Variants in AGK observed in about 807,000 individuals in gnomAD.
The protein encoded by AGK is acylglycerol kinase.
In AGK, 52 loss-of-function variants were observed where a neutral mutation model predicts 66.4. The ratio of observed to expected loss-of-function variants is 0.78; its 90% CI spans 0.63 to 0.99. AGK has a LOEUF of 0.99. Ranked by LOEUF, AGK falls within the 50% of genes least tolerant of loss-of-function variation. AGK has a pLI of 0.00. For missense variants in AGK, 451 were observed against 506.6 expected, an observed-to-expected ratio of 0.89 and a Z score of 1.05; for synonymous variants, 182 against 181.1, an observed-to-expected ratio of 1.00 and a Z score of -0.04.
intron 2 of AGK, among the ~76,000 whole-genome samples, chr7:141,568,842 C>T (rs190379520): frequency 1.5e-3 from 234 of 152,250 alleles, no homozygotes; most frequent in African/African-American, 5.4e-3. Context: ...TCCCAGAGTG[C>T]TGGGATTACA....
At chr7:141,609,050 AT>A (rs1796521640) in intron 5 of AGK, among the ~76,000 whole-genome samples, 1 of 152,208 alleles carries the variant, frequency 6.6e-6, no homozygotes, top group Admixed American at 6.5e-5. Context: ...CCATAATTTT[AT>A]TTTTAGAATA....
intron 9 of AGK, among the ~76,000 whole-genome samples, chr7:141,626,563 G>A (rs995039590): frequency 6.6e-6 from 1 of 152,142 alleles, no homozygotes; most frequent in East Asian, 1.9e-4. Flanking sequence ...TCTGCCTCCC[G>A]AAGTGATATA....
At position 141,649,160 on chromosome 7, in the gene AGK, C is replaced by G. The variant is rs535704364; in HGVS notation, c.976-103C>G. 1.6e-5 allele frequency: 10 copies of G among 622,184 alleles called. No individual in the cohort carries two copies. In the East Asian group the frequency reaches 2.8e-4, roughly 18 times the overall value. The allele number at this position is 622,184 out of a possible 1,614,324, so 38.5% of individuals were successfully genotyped here. ...AATCACTACAAGTAGAGTCCCCTAT[C>G]TATATATAGCTTCAAACTATGAACC... On this transcript the variant is annotated intron_variant, in intron 13 of 15. Coordinates refer to ENST00000649286, the MANE Select transcript of AGK (RefSeq NM_018238.4).
intron 2 of AGK, among the ~76,000 whole-genome samples, chr7:141,562,660 C>T (rs922841177): frequency 3.3e-5 from 5 of 152,308 alleles, no homozygotes; most frequent in Admixed American, 6.5e-5. Flanking sequence ...AGGCCTCATC[C>T]AGCTCCCACG....
intron 8 of AGK, among the ~76,000 whole-genome samples, chr7:141,616,720 GA>G (rs2116965707): frequency 6.6e-6 from 1 of 151,710 alleles, no homozygotes; most frequent in East Asian, 1.9e-4. Flanking sequence ...AACTACAGGA[GA>G]GGCCATTTCA....
At chr7:141,556,095 T>C (rs147147838) in intron 2 of AGK, among the ~76,000 whole-genome samples, 1,923 of 152,152 alleles carry the variant, frequency 0.013, 50 homozygotes, top group African/African-American at 0.042. Context: ...TGGGACAACT[T>C]GAAACAAAGG....
intron 9 of AGK, among the ~76,000 whole-genome samples, chr7:141,623,397 A>C (rs371119410): frequency 2.7e-5 from 4 of 150,666 alleles, no homozygotes; most frequent in African/African-American, 9.9e-5. Flanking sequence ...AAAAAAGAAA[A>C]AAAAAAGAAA....
intron 9 of AGK, among the ~76,000 whole-genome samples, chr7:141,630,093 TCTATC>T (rs547792372): frequency 4.1e-3 from 619 of 152,308 alleles, no homozygotes; most frequent in Admixed American, 7.6e-3. Context: ...CATGGAATCT[TCTATC>T]ATCATCATCA....
rs184639330 is a variant in AGK, at chr7:141,564,123, G to T, written c.101+8556G>T. Among the ~76,000 whole-genome samples, 154 of 152,268 alleles carry T rather than the reference G, an allele frequency of 1.0e-3. 3 individuals carry two copies. Among genetic ancestry groups the T allele is most frequent in the Admixed American group, 0.01 (154 of 15,298 alleles). On this transcript the variant is annotated intron_variant, in intron 2 of 15. Coordinates refer to ENST00000649286, the MANE Select transcript of AGK (RefSeq NM_018238.4). ...CTATATGTGCATGACAGCACACCCT[G>T]CTGATTAAACCTTTTGAATAGGTTC...
chr7:141,651,471 A>G, intron 14 of AGK, 54 bp from the exon 15 acceptor site: 1 of 1,498,276 alleles, frequency 6.7e-7, no homozygotes, highest in South Asian at 1.1e-5. Context: ...CATTGTTGCA[A>G]CCTAGTGCAG....
At chr7:141,614,460 G>T (rs1159907307) in intron 7 of AGK, among the ~76,000 whole-genome samples, 1 of 151,840 alleles carries the variant, frequency 6.6e-6, no homozygotes, top group Non-Finnish European at 1.5e-5. Context: ...TTTCATAAAA[G>T]AAATTGTGGC....
chr7:141,599,137 T>C (rs1796288633), intron 4 of AGK: 1 of 152,152 alleles, frequency 6.6e-6, no homozygotes, highest in African/African-American at 2.4e-5. Context: ...TTTAAAAGCT[T>C]TCACTATTTA....
At chr7:141,605,333 A>G (rs550669075) in intron 5 of AGK, among the ~76,000 whole-genome samples, 43 of 152,144 alleles carry the variant, frequency 2.8e-4, no homozygotes, top group Non-Finnish European at 4.6e-4. Flanking sequence ...TAAACTGCAC[A>G]TGCAGTCTTT....
Position 141,601,196 on chromosome 7 carries a change from T to A in AGK, c.222-9T>A. The stretch of plus-strand genomic sequence containing the variant: ...GTTAAAATGTTTATATTTTTTCCTT[T>A]GTTAACAGAAAAGCCAGGACTCTAT... On this transcript the variant is annotated splice_polypyrimidine_tract_variant and intron_variant, in intron 4 of 15. Coordinates refer to ENST00000649286, the MANE Select transcript of AGK (RefSeq NM_018238.4). 6.2e-7 allele frequency: 1 copy of A among 1,603,886 alleles called. No individual in the cohort carries two copies. Among genetic ancestry groups the A allele is most frequent in the Non-Finnish European group, 8.5e-7 (1 of 1,172,684 alleles).
At chr7:141,646,898 C>G (rs1290661162) in intron 13 of AGK, among the ~76,000 whole-genome samples, 1 of 152,164 alleles carries the variant, frequency 6.6e-6, no homozygotes, top group African/African-American at 2.4e-5. Flanking sequence ...TGTTTCCCGA[C>G]CCTGTTCTAG....
chr7:141,610,868 A>G (rs758484726), intron 5 of AGK, among the ~76,000 whole-genome samples: 5 of 152,298 alleles, frequency 3.3e-5, no homozygotes, highest in Non-Finnish European at 7.4e-5. Flanking sequence ...TTGACTTCCT[A>G]TAAAGGATGT....
chr7:141,565,859 CTT>C (rs915415637), intron 2 of AGK, among the ~76,000 whole-genome samples: 2 of 152,188 alleles, frequency 1.3e-5, no homozygotes, highest in Non-Finnish European at 2.9e-5. Context: ...CTGGCACCTA[CTT>C]TTGCCTGTTC....
intron 2 of AGK, among the ~76,000 whole-genome samples, chr7:141,580,059 G>T (rs1182389849): frequency 2.0e-5 from 3 of 151,996 alleles, no homozygotes; most frequent in Admixed American, 2.0e-4. Context: ...AAGTAAAGCA[G>T]ACTTGAGAAG....
In AGK at chr7:141,555,399, A is replaced by C. The variant is rs1795185955; in HGVS notation, c.-14-54A>C. ...GAAGACAGAGTAATAGGGACATTAC[A>C]TGAAGACCATGGATAAATTATATTT... On this transcript the variant is annotated intron_variant, in intron 1 of 15. Coordinates refer to ENST00000649286, the MANE Select transcript of AGK (RefSeq NM_018238.4). This position sits in a 1 kb window ranked among gnomAD's most constrained non-coding sequence, Gnocchi z 4.2. 1 of 1,261,026 alleles carries C rather than the reference A, an allele frequency of 7.9e-7. No homozygotes were observed. The highest frequency in any genetic ancestry group is 1.1e-6 in the Non-Finnish European group (1 of 881,008). The allele number at this position is 1,261,026 out of a possible 1,614,324, so 78.1% of individuals were successfully genotyped here.
Sources: gnomAD v4.1 joint callset for allele counts (sites outside exome capture counted in the v4.1 genomes callset) on GRCh38, gnomAD v4.1.1 for gene constraint, Gnocchi (gnomAD v3.1) non-coding constraint, MANE v1.5 for transcripts, NCBI Gene and HGNC (gene_info 2026-07-23, HGNC 2026-07-21) for gene names.